Variants in RBFOX3 observed in about 807,000 individuals in gnomAD.
RBFOX3 encodes the protein RNA binding protein fox-1 homolog 3.
A neutral mutation model predicts 48.7 loss-of-function variants in RBFOX3; 17 were observed. That is an observed-to-expected ratio of 0.35 (90% CI 0.24 to 0.52). RBFOX3 has a LOEUF of 0.52. RBFOX3 is among the 20% of genes least tolerant of loss of function. RBFOX3 has a pLI of 0.94. For missense variants in RBFOX3, 382 were observed against 497.5 expected, an observed-to-expected ratio of 0.77 and a Z score of 2.21; for synonymous variants, 212 against 209.5, an observed-to-expected ratio of 1.01 and a Z score of -0.10.
chr17:79,274,193 G>A (rs1240988402), intron 3 of RBFOX3, among the ~76,000 whole-genome samples: 1 of 152,130 alleles, frequency 6.6e-6, no homozygotes, highest in Non-Finnish European at 1.5e-5. Context: ...TCCTACAATT[G>A]TTCTCAAGAT....
At chr17:79,219,655 C>T (rs2059474372) in intron 4 of RBFOX3, among the ~76,000 whole-genome samples, 1 of 152,146 alleles carries the variant, frequency 6.6e-6, no homozygotes, top group Admixed American at 6.5e-5. Flanking sequence ...GTGGGGGCGC[C>T]TACTCTCCCC....
At chr17:79,262,327 G>A (rs2065923882) in intron 3 of RBFOX3, among the ~76,000 whole-genome samples, 1 of 152,238 alleles carries the variant, frequency 6.6e-6, no homozygotes. Flanking sequence ...GGTAGGAAAG[G>A]GGTGGCCAGG....
intron 4 of RBFOX3, among the ~76,000 whole-genome samples, chr17:79,165,647 G>A (rs1428441549): frequency 6.6e-6 from 1 of 152,226 alleles, no homozygotes; most frequent in Non-Finnish European, 1.5e-5. Context: ...TTCGCCGGCC[G>A]GGGTCCCTGG....
intron 1 of RBFOX3, among the ~76,000 whole-genome samples, chr17:79,586,052 A>G (rs1416833190): frequency 2.0e-5 from 3 of 152,178 alleles, no homozygotes; most frequent in African/African-American, 7.2e-5. Flanking sequence ...GAGTGCAGAG[A>G]TGCCCCAACT....
intron 4 of RBFOX3, among the ~76,000 whole-genome samples, chr17:79,164,081 C>A (rs994536192): frequency 6.6e-6 from 1 of 152,156 alleles, no homozygotes; most frequent in Non-Finnish European, 1.5e-5. Flanking sequence ...CCTTCTGTAC[C>A]AGGGTTCGGA....
intron 11 of RBFOX3, 85 bp downstream of exon 11, chr17:79,097,207 C>T (rs2075483614): frequency 2.4e-6 from 3 of 1,236,370 alleles, no homozygotes; most frequent in Non-Finnish European, 3.3e-6. Flanking sequence ...CTGCCTAGCC[C>T]CTCGCACTGC....
At chr17:79,551,511 G>C (rs2091144584) in intron 1 of RBFOX3, among the ~76,000 whole-genome samples, 1 of 119,910 alleles carries the variant, frequency 8.3e-6, no homozygotes. Flanking sequence ...GGACGGGTAG[G>C]TGGATGGGTG....
chr17:79,589,833 G>T (rs1317840303), intron 1 of RBFOX3, among the ~76,000 whole-genome samples: 1 of 152,206 alleles, frequency 6.6e-6, no homozygotes, highest in South Asian at 2.1e-4. Context: ...GCATGCTGGG[G>T]AGGGCTGTCA....
intron 2 of RBFOX3, among the ~76,000 whole-genome samples, chr17:79,470,126 C>T (rs1555756152): frequency 6.6e-6 from 1 of 152,184 alleles, no homozygotes; most frequent in East Asian, 1.9e-4. Flanking sequence ...TCCACACACA[C>T]AGCCCCTGGC....
At chr17:79,463,582 C>T (rs1365111429) in intron 2 of RBFOX3, among the ~76,000 whole-genome samples, 1 of 148,940 alleles carries the variant, frequency 6.7e-6, no homozygotes, top group Non-Finnish European at 1.5e-5. Flanking sequence ...TCGCCACTGC[C>T]ACCGCCACCT....
chr17:79,439,156 G>A (rs1442535356), intron 2 of RBFOX3, among the ~76,000 whole-genome samples: 34 of 152,198 alleles, frequency 2.2e-4, no homozygotes, highest in Admixed American at 2.0e-3. Flanking sequence ...AGAGAGGCGC[G>A]CAGCAAGCTG....
At chr17:79,585,347 G>A (rs2093214336) in intron 1 of RBFOX3, among the ~76,000 whole-genome samples, 2 of 151,998 alleles carry the variant, frequency 1.3e-5, no homozygotes, top group African/African-American at 2.4e-5. Flanking sequence ...CCTAAGGTCA[G>A]TAGTCCGAGA....
At chr17:79,552,188 A>G (rs1169405240) in intron 1 of RBFOX3, among the ~76,000 whole-genome samples, 1 of 152,230 alleles carries the variant, frequency 6.6e-6, no homozygotes, top group Non-Finnish European at 1.5e-5. Flanking sequence ...AGAATATGGC[A>G]TAGTAAAAGA....
chr17:79,591,010 G>T (rs1216384340), intron 1 of RBFOX3, among the ~76,000 whole-genome samples: 5 of 152,258 alleles, frequency 3.3e-5, no homozygotes, highest in Admixed American at 2.6e-4. Flanking sequence ...CAGCTTCCCA[G>T]CCCTCGGAGG....
intron 1 of RBFOX3, among the ~76,000 whole-genome samples, chr17:79,580,462 TC>T (rs2093020610): frequency 6.6e-6 from 1 of 151,718 alleles, no homozygotes; most frequent in Non-Finnish European, 1.5e-5. Flanking sequence ...AAAAACCCAA[TC>T]CCATTCTTAT....
At chr17:79,470,596 C>T (rs1247601310) in intron 2 of RBFOX3, among the ~76,000 whole-genome samples, 3 of 152,200 alleles carry the variant, frequency 2.0e-5, no homozygotes, top group Non-Finnish European at 4.4e-5. Context: ...TAGGGAACCC[C>T]CCTCAGCCCC....
At chr17:79,370,437 C>T (rs1254374929) in intron 2 of RBFOX3, among the ~76,000 whole-genome samples, 1 of 152,188 alleles carries the variant, frequency 6.6e-6, no homozygotes, top group Non-Finnish European at 1.5e-5. Flanking sequence ...TACACATGCA[C>T]ACACCCTGAT....
intron 2 of RBFOX3, among the ~76,000 whole-genome samples, chr17:79,366,314 G>A (rs1231107440): frequency 6.6e-6 from 1 of 152,222 alleles, no homozygotes; most frequent in Non-Finnish European, 1.5e-5. Context: ...GCAGAGCCCA[G>A]CCAGTGACTC....
At chr17:79,655,426 T>A in the RBFOX3 span, among the ~76,000 whole-genome samples, 9 of 152,180 alleles carry the variant, frequency 5.9e-5, no homozygotes, top group Admixed American at 2.0e-4. Flanking sequence ...AACTGTCAAA[T>A]AGAAAGTCCT....
Sources: allele counts gnomAD v4.1 joint callset (sites outside exome capture counted in the v4.1 genomes callset), GRCh38; gene constraint gnomAD v4.1.1; transcripts MANE v1.5; gene names NCBI Gene and HGNC (gene_info 2026-07-23, HGNC 2026-07-21).